POU6F2: variants seen among roughly 807,000 people sequenced by gnomAD.
POU6F2 encodes POU domain, class 6, transcription factor 2.
A neutral mutation model predicts 71.3 loss-of-function variants in POU6F2; 31 were observed. The ratio of observed to expected loss-of-function variants is 0.43; its 90% CI spans 0.33 to 0.59. POU6F2 has a LOEUF of 0.59. POU6F2 is among the 20% of genes least tolerant of loss of function. The probability of loss-of-function intolerance (pLI) is 0.04; values close to 1 mark genes in which losing one functional copy is unlikely to be tolerated. For synonymous variants in POU6F2, 347 were observed against 355.7 expected (o/e 0.98, Z 0.27); for missense variants, 783 against 856.8 (o/e 0.91, Z 1.07).
intron 7 of POU6F2, among the ~76,000 whole-genome samples, chr7:39,435,851 C>T (rs559718303): frequency 7.2e-5 from 11 of 152,284 alleles, no homozygotes; most frequent in East Asian, 5.8e-4. Flanking sequence ...ATATGGCTAG[C>T]CACTTTTCCC....
At chr7:39,178,381 TATTC>T (rs571026266) in intron 2 of POU6F2, among the ~76,000 whole-genome samples, 28 of 152,210 alleles carry the variant, frequency 1.8e-4, no homozygotes, top group Non-Finnish European at 3.2e-4. Flanking sequence ...ATATAGAAAG[TATTC>T]ATTGAGTTTT....
At chr7:39,080,690 T>G (rs1214413139) in intron 1 of POU6F2, among the ~76,000 whole-genome samples, 1 of 152,242 alleles carries the variant, frequency 6.6e-6, no homozygotes, top group African/African-American at 2.4e-5. Flanking sequence ...AAAGCTGTTC[T>G]GATGGACTGT....
chr7:39,126,172 G>A (rs948622624), intron 2 of POU6F2, among the ~76,000 whole-genome samples: 8 of 152,168 alleles, frequency 5.3e-5, no homozygotes, highest in African/African-American at 1.4e-4. Context: ...CCTAACCTTC[G>A]TCACCATGTA....
At chr7:39,440,886 G>A (rs1394421690) in intron 7 of POU6F2, among the ~76,000 whole-genome samples, 9 of 151,934 alleles carry the variant, frequency 5.9e-5, no homozygotes, top group Non-Finnish European at 8.8e-5. Context: ...TGTTGTTGTT[G>A]ATGATGATGA....
intron 4 of POU6F2, among the ~76,000 whole-genome samples, chr7:39,232,849 G>T (rs1489131194): frequency 6.6e-6 from 1 of 152,146 alleles, no homozygotes; most frequent in Non-Finnish European, 1.5e-5. Flanking sequence ...AATTTCCATG[G>T]CATTAAACTA....
intron 4 of POU6F2, among the ~76,000 whole-genome samples, chr7:39,231,534 G>A (rs1469451652): frequency 6.6e-6 from 1 of 152,122 alleles, no homozygotes; most frequent in African/African-American, 2.4e-5. Context: ...AGATATTTCT[G>A]TTCTGATCAC....
intron 1 of POU6F2, among the ~76,000 whole-genome samples, chr7:39,015,501 ATAT>A (rs1436047691): frequency 1.4e-3 from 132 of 94,812 alleles, no homozygotes; most frequent in East Asian, 5.2e-3. Context: ...GATATATTAT[ATAT>A]TATTATATAT....
intron 4 of POU6F2, among the ~76,000 whole-genome samples, chr7:39,311,825 T>C (rs1210132782): frequency 6.6e-6 from 1 of 152,060 alleles, no homozygotes; most frequent in African/African-American, 2.4e-5. Context: ...TTTAAAAACA[T>C]AAAAAATTCC....
intron 2 of POU6F2, among the ~76,000 whole-genome samples, chr7:39,092,390 A>G (rs956007953): frequency 1.3e-5 from 2 of 152,024 alleles, no homozygotes; most frequent in Non-Finnish European, 2.9e-5. Context: ...TCTTTTATTC[A>G]TGCCATTTCA....
intron 2 of POU6F2, among the ~76,000 whole-genome samples, chr7:39,145,144 G>T (rs1215668299): frequency 1.3e-5 from 2 of 151,804 alleles, no homozygotes; most frequent in African/African-American, 4.8e-5. Flanking sequence ...ACTATTTTTT[G>T]CCACTCTAGA....
intron 2 of POU6F2, among the ~76,000 whole-genome samples, chr7:39,107,958 T>A (rs1470514791): frequency 6.6e-6 from 1 of 152,166 alleles, no homozygotes; most frequent in East Asian, 1.9e-4. Flanking sequence ...AAGCCTTTGA[T>A]AGAGTCCATA....
chr7:39,031,102 T>A (rs1399252826), intron 1 of POU6F2, among the ~76,000 whole-genome samples: 1 of 152,002 alleles, frequency 6.6e-6, no homozygotes, highest in Non-Finnish European at 1.5e-5. Flanking sequence ...GGTTTCACCA[T>A]CTTGGCCAGG....
chr7:39,204,081 T>C (rs1793958778), intron 2 of POU6F2, among the ~76,000 whole-genome samples, 154 bp from the exon 3 acceptor site: 1 of 152,210 alleles, frequency 6.6e-6, no homozygotes, highest in African/African-American at 2.4e-5. Flanking sequence ...CCATCCTGAA[T>C]GTCTCTCATC....
chr7:39,357,471 C>G (rs1786284897), intron 5 of POU6F2, among the ~76,000 whole-genome samples: 1 of 152,104 alleles, frequency 6.6e-6, no homozygotes, highest in Admixed American at 6.6e-5. Context: ...AGTTTGAGCC[C>G]CGGTCTGACC....
chr7:39,081,583 G>A (rs1791118771), intron 1 of POU6F2, among the ~76,000 whole-genome samples: 1 of 152,210 alleles, frequency 6.6e-6, no homozygotes, highest in Admixed American at 6.5e-5. Flanking sequence ...GGCTTGCCAT[G>A]TTTATCTAGA....
At position 39,341,577 on chromosome 7, in the gene POU6F2, G is replaced by A. The variant is rs548211137; in HGVS notation, c.972+1562G>A. Among the ~76,000 whole-genome samples, 3 of 152,264 alleles carry A rather than the reference G, an allele frequency of 2.0e-5. No homozygotes were observed. In the South Asian group the frequency reaches 6.2e-4, roughly 32 times the overall value. On this transcript the variant is annotated intron_variant, in intron 5 of 9. Transcript: ENST00000518318. ...AAAAAATTAATTTAATGCTTTTTAA[G>A]AACACTTACATTAGATGTACCTATA...
intron 2 of POU6F2, among the ~76,000 whole-genome samples, chr7:39,187,622 G>C (rs779500553): frequency 6.6e-6 from 1 of 152,222 alleles, no homozygotes; most frequent in Non-Finnish European, 1.5e-5. Context: ...CGCTACTTCT[G>C]GGGGTGAGGC....
intron 4 of POU6F2, among the ~76,000 whole-genome samples, chr7:39,260,266 A>G (rs1186175114): frequency 1.3e-5 from 2 of 148,940 alleles, no homozygotes; most frequent in East Asian, 4.0e-4. Context: ...CACACTCCAT[A>G]CCATGCATAC....
At chr7:39,071,887 T>G (rs942520399) in intron 1 of POU6F2, among the ~76,000 whole-genome samples, 5 of 152,216 alleles carry the variant, frequency 3.3e-5, no homozygotes, top group Non-Finnish European at 5.9e-5. Context: ...TCTGCTTATT[T>G]TAATTCAAAA....
Sources: allele counts gnomAD v4.1 joint callset (sites outside exome capture counted in the v4.1 genomes callset), GRCh38; gene constraint gnomAD v4.1.1; transcripts MANE v1.5; gene names NCBI Gene and HGNC (gene_info 2026-07-23, HGNC 2026-07-21).